FAM222B: variants seen among roughly 807,000 people sequenced by gnomAD.
FAM222B encodes family with sequence similarity 222 member B.
Under a neutral mutation model 38.0 loss-of-function variants are expected in FAM222B, and 12 were observed. The observed-to-expected ratio is 0.32, with a 90% confidence interval of 0.20 to 0.51. FAM222B has a LOEUF of 0.51. FAM222B is among the 20% of genes least tolerant of loss of function. FAM222B has a pLI of 0.97. For missense variants in FAM222B, 716 were observed against 754.2 expected, an observed-to-expected ratio of 0.95 and a Z score of 0.59; for synonymous variants, 329 against 317.2, an observed-to-expected ratio of 1.04 and a Z score of -0.40.
intron 1 of FAM222B, among the ~76,000 whole-genome samples, chr17:28,772,968 A>G (rs1188382542): frequency 6.6e-6 from 1 of 152,136 alleles, no homozygotes; most frequent in African/African-American, 2.4e-5. Flanking sequence ...GCAAACAAAG[A>G]AGTAAAGATA....
chr17:28,784,832 C>T (rs1156396219), intron 1 of FAM222B, among the ~76,000 whole-genome samples: 1 of 152,076 alleles, frequency 6.6e-6, no homozygotes, highest in African/African-American at 2.4e-5. Flanking sequence ...CTCATTGAAG[C>T]CTCAACCTCC....
At chr17:28,817,680 T>C (rs572084074) in intron 1 of FAM222B, among the ~76,000 whole-genome samples, 7 of 151,992 alleles carry the variant, frequency 4.6e-5, no homozygotes, top group South Asian at 2.1e-4. Flanking sequence ...GATTGTGCCA[T>C]TGCACTCCAG....
intron 1 of FAM222B, among the ~76,000 whole-genome samples, chr17:28,804,839 G>A (rs1349732983): frequency 1.4e-5 from 2 of 146,762 alleles, no homozygotes; most frequent in African/African-American, 2.5e-5. Flanking sequence ...TCAGGATATC[G>A]AGACCATCCT....
At chr17:28,766,219 C>G (rs1423337320) in intron 2 of FAM222B, among the ~76,000 whole-genome samples, 1 of 151,948 alleles carries the variant, frequency 6.6e-6, no homozygotes, top group African/African-American at 2.4e-5. Flanking sequence ...CTTTGGGAGG[C>G]CAAGTTAGGG....
intron 1 of FAM222B, among the ~76,000 whole-genome samples, chr17:28,799,401 G>C (rs1445106552): frequency 6.9e-6 from 1 of 145,456 alleles, no homozygotes; most frequent in Non-Finnish European, 1.5e-5. Flanking sequence ...GGGTTCAAGC[G>C]ATTCTCCTGC....
chr17:28,833,743 G>A (rs539386507), intron 1 of FAM222B, among the ~76,000 whole-genome samples: 116 of 151,896 alleles, frequency 7.6e-4, no homozygotes, highest in Non-Finnish European at 1.3e-3. Flanking sequence ...AAAAAGATAC[G>A]AATGAACAAC....
chr17:28,779,259 G>A (rs1279043829), intron 1 of FAM222B, among the ~76,000 whole-genome samples: 2 of 152,074 alleles, frequency 1.3e-5, no homozygotes, highest in Non-Finnish European at 2.9e-5. Context: ...TATCCCTGAT[G>A]AACAAATATG....
At chr17:28,794,128 A>G (rs769240713) in intron 1 of FAM222B, among the ~76,000 whole-genome samples, 9 of 152,138 alleles carry the variant, frequency 5.9e-5, no homozygotes, top group Admixed American at 2.0e-4. Context: ...CACAACAACA[A>G]AGGATACGAA....
chr17:28,810,200 T>A (rs111887742), intron 1 of FAM222B, among the ~76,000 whole-genome samples: 1 of 151,996 alleles, frequency 6.6e-6, no homozygotes, highest in African/African-American at 2.4e-5. Flanking sequence ...GTTTTCACCA[T>A]GTTGGTCTTT....
chr17:28,850,144 TCTC>T (rs1244133436), intron 1 of FAM222B, among the ~76,000 whole-genome samples: 1 of 151,940 alleles, frequency 6.6e-6, no homozygotes, highest in Non-Finnish European at 1.5e-5. Context: ...ATCACTCTCT[TCTC>T]TGCCCCATAA....
At chr17:28,852,358 A>G (rs1234891563) in intron 1 of FAM222B, among the ~76,000 whole-genome samples, 1 of 151,454 alleles carries the variant, frequency 6.6e-6, no homozygotes, top group African/African-American at 2.4e-5. Context: ...TCTGTCTCCA[A>G]AAAAAAATGT....
chr17:28,822,633 T>A (rs2038268344), intron 1 of FAM222B, among the ~76,000 whole-genome samples: 1 of 131,862 alleles, frequency 7.6e-6, no homozygotes, highest in African/African-American at 2.9e-5. Flanking sequence ...CCACAAAAAA[T>A]AATAATAATA....
chr17:28,810,966 C>A (rs2037731590), intron 1 of FAM222B, among the ~76,000 whole-genome samples: 1 of 151,980 alleles, frequency 6.6e-6, no homozygotes, highest in Non-Finnish European at 1.5e-5. Flanking sequence ...ATTCTGTCTT[C>A]AAAAGTGGAC....
At chr17:28,845,861 A>G (rs1225682053), upstream of FAM222B, among the ~76,000 whole-genome samples, 1 of 147,362 alleles carries the variant, frequency 6.8e-6, no homozygotes, top group Non-Finnish European at 1.5e-5. Context: ...CGCCACTGCA[A>G]TCCAGCCTGG....
chr17:28,851,147 G>A (rs1291806763), intron 1 of FAM222B, among the ~76,000 whole-genome samples: 1 of 151,544 alleles, frequency 6.6e-6, no homozygotes, highest in Non-Finnish European at 1.5e-5. Context: ...ACAAAAAAAT[G>A]TTCCAAGGCT....
At chr17:28,818,404 T>C (rs553207788) in intron 1 of FAM222B, among the ~76,000 whole-genome samples, 2 of 151,820 alleles carry the variant, frequency 1.3e-5, no homozygotes, top group African/African-American at 4.8e-5. Context: ...GGTGGGCACC[T>C]GCAGTCCCAG....
chr17:28,799,990 C>G (rs1597957595), intron 1 of FAM222B, among the ~76,000 whole-genome samples: 1 of 151,738 alleles, frequency 6.6e-6, no homozygotes, highest in South Asian at 2.1e-4. Flanking sequence ...GTAACTATGA[C>G]TTTGATAAAG....
At chr17:28,803,046 T>C (rs1165259324) in intron 1 of FAM222B, among the ~76,000 whole-genome samples, 1 of 152,090 alleles carries the variant, frequency 6.6e-6, no homozygotes, top group African/African-American at 2.4e-5. Flanking sequence ...TCCCACTCTG[T>C]TGCCTAGGCT....
At chr17:28,787,381 A>C (rs2036463166) in intron 1 of FAM222B, among the ~76,000 whole-genome samples, 1 of 152,212 alleles carries the variant, frequency 6.6e-6, no homozygotes. Context: ...ATGGACCATG[A>C]GGAATCCTGA....
Sources: gnomAD v4.1 joint callset for allele counts (sites outside exome capture counted in the v4.1 genomes callset) on GRCh38, gnomAD v4.1.1 for gene constraint, MANE v1.5 for transcripts, NCBI Gene and HGNC (gene_info 2026-07-23, HGNC 2026-07-21) for gene names.